CDK8: variants seen among roughly 807,000 people sequenced by gnomAD.
The protein encoded by CDK8 is cyclin dependent kinase 8.
CDK8 carries 29 observed loss-of-function variants against 71.5 expected under a neutral mutation model. That is an observed-to-expected ratio of 0.41 (90% CI 0.30 to 0.55). The LOEUF (loss-of-function observed/expected upper bound fraction) is 0.55. Ranked by LOEUF, CDK8 falls within the 20% of genes least tolerant of loss-of-function variation. CDK8 has a pLI of 0.37. For missense variants in CDK8, 288 were observed against 572.6 expected (o/e 0.50, Z 5.07); for synonymous variants, 161 against 192.1 (o/e 0.84, Z 1.34).
chr13:26,361,925 C>T (rs1292163065), intron 4 of CDK8, among the ~76,000 whole-genome samples: 1 of 151,098 alleles, frequency 6.6e-6, no homozygotes, highest in Non-Finnish European at 1.5e-5. Context: ...CCACCACACA[C>T]AGCCATTTTG....
intron 4 of CDK8, among the ~76,000 whole-genome samples, chr13:26,354,242 G>A (rs1380745993): frequency 1.3e-5 from 2 of 152,198 alleles, no homozygotes; most frequent in East Asian, 3.9e-4. Flanking sequence ...GGAGCCTACT[G>A]CATACTAATT....
intron 1 of CDK8, among the ~76,000 whole-genome samples, chr13:26,300,136 A>G (rs372736152): frequency 1.2e-3 from 181 of 152,270 alleles, no homozygotes; most frequent in African/African-American, 4.2e-3. Context: ...TGCCCAGAGT[A>G]AGAGGCATAC....
intron 1 of CDK8, among the ~76,000 whole-genome samples, chr13:26,311,534 T>C (rs954356936): frequency 7.2e-5 from 11 of 152,186 alleles, no homozygotes; most frequent in African/African-American, 1.7e-4. Flanking sequence ...CAGTACCTCA[T>C]TGATGTCACT....
intron 1 of CDK8, among the ~76,000 whole-genome samples, chr13:26,264,187 A>C (rs1332107953): frequency 6.6e-6 from 1 of 152,172 alleles, no homozygotes; most frequent in African/African-American, 2.4e-5. Flanking sequence ...ATGCTGACTT[A>C]ATGTTGATTT....
chr13:26,327,238 A>G (rs1012223297), intron 1 of CDK8, among the ~76,000 whole-genome samples: 2 of 152,202 alleles, frequency 1.3e-5, no homozygotes, highest in African/African-American at 4.8e-5. Context: ...GTGATTTACC[A>G]AATAAATTAA....
At chr13:26,309,035 A>G (rs887181827) in intron 1 of CDK8, among the ~76,000 whole-genome samples, 1 of 152,202 alleles carries the variant, frequency 6.6e-6, no homozygotes, top group Non-Finnish European at 1.5e-5. Context: ...TGAGAAATAA[A>G]TGAATCAGCA....
intron 2 of CDK8, among the ~76,000 whole-genome samples, chr13:26,343,445 T>A (rs1369432503): frequency 6.6e-6 from 1 of 152,248 alleles, no homozygotes; most frequent in African/African-American, 2.4e-5. Flanking sequence ...GTTCTGCCTA[T>A]GGAGTAGCCA....
intron 1 of CDK8, among the ~76,000 whole-genome samples, chr13:26,291,121 A>AC (rs2137901595): frequency 1.1e-5 from 1 of 89,434 alleles, no homozygotes; most frequent in East Asian, 6.1e-4. Context: ...TCCATCTCAA[A>AC]AAAAAAAAAA....
At chr13:26,284,680 T>C (rs1023506021) in intron 1 of CDK8, among the ~76,000 whole-genome samples, 4 of 152,166 alleles carry the variant, frequency 2.6e-5, no homozygotes, top group African/African-American at 9.7e-5. Context: ...AGCTAGATTC[T>C]ATCAGGCATT....
rs143607664 is a variant in CDK8 at position 26,286,943 on chromosome 13, A to G, written c.128+32174A>G. ...TATCAGGGAAATGCAAATCAAAACC[A>G]TAAGGAGATACCACCTTACTCCTGG... On this transcript the variant is annotated intron_variant, in intron 1 of 12. Coordinates refer to ENST00000381527, the MANE Select transcript of CDK8 (RefSeq NM_001260.3). Among the ~76,000 whole-genome samples the G allele has an allele frequency of 6.6e-5, 10 of 152,344 alleles. No homozygotes were observed. In the East Asian group the frequency reaches 1.9e-3, roughly 29 times the overall value.
chr13:26,288,045 C>G (rs1262604502), intron 1 of CDK8, among the ~76,000 whole-genome samples: 1 of 151,450 alleles, frequency 6.6e-6, no homozygotes, highest in African/African-American at 2.4e-5. Flanking sequence ...TCACTGCAAC[C>G]TCTCCCTCTC....
At chr13:26,333,311 C>T (rs1456654748) in intron 1 of CDK8, among the ~76,000 whole-genome samples, 2 of 151,826 alleles carry the variant, frequency 1.3e-5, no homozygotes, top group Admixed American at 6.6e-5. Flanking sequence ...GGCTAAGTTT[C>T]GTATTTTTAG....
intron 1 of CDK8, among the ~76,000 whole-genome samples, chr13:26,266,784 GTTAC>G (rs1278830836): frequency 6.6e-6 from 1 of 152,148 alleles, no homozygotes; most frequent in African/African-American, 2.4e-5. Context: ...TGCTGGCTGT[GTTAC>G]TGAAGTGAAA....
chr13:26,391,694 GACAAAA>G (rs1875752713), intron 6 of CDK8, among the ~76,000 whole-genome samples: 1 of 152,156 alleles, frequency 6.6e-6, no homozygotes, highest in African/African-American at 2.4e-5. Flanking sequence ...ACCTTTCGAT[GACAAAA>G]ACAAAATAGG....
chr13:26,343,396 T>C (rs983982809), intron 2 of CDK8, among the ~76,000 whole-genome samples: 5 of 152,148 alleles, frequency 3.3e-5, no homozygotes, highest in African/African-American at 9.7e-5. Flanking sequence ...ATAGAAAAGG[T>C]ACAGTAAAAA....
chr13:26,308,035 A>G (rs1296937292), intron 1 of CDK8, among the ~76,000 whole-genome samples: 1 of 152,232 alleles, frequency 6.6e-6, no homozygotes, highest in Non-Finnish European at 1.5e-5. Flanking sequence ...AGAAACCAGT[A>G]TTTTAAAATT....
At chr13:26,282,548 A>C (rs1171183456) in intron 1 of CDK8, among the ~76,000 whole-genome samples, 1 of 152,238 alleles carries the variant, frequency 6.6e-6, no homozygotes, top group East Asian at 1.9e-4. Flanking sequence ...CCAGCACTAC[A>C]AGAAATGCTA....
Position 26,327,963 on chromosome 13 carries a change from C to CTTT in CDK8, c.129-9591_129-9589dup, listed in dbSNP as rs35077180. ...CCAAGAACATATATTTAAGAGCTGT[C>CTTT]TTTTTTTTTTTTTTTAACTTTTGCT... is the stretch of plus-strand genomic sequence containing the variant. On this transcript the variant is annotated intron_variant, in intron 1 of 12. Transcript: ENST00000381527. Among the ~76,000 whole-genome samples the CTTT allele has an allele frequency of 9.9e-4, 142 of 143,758 alleles. 1 individual carries two copies. Among genetic ancestry groups the CTTT allele is most frequent in the African/African-American group, 3.4e-3 (132 of 39,168 alleles). The allele number at this position is 143,758 out of a possible 152,430, so 94.3% of individuals were successfully genotyped here.
At chr13:26,289,710 A>C (rs1873207461) in intron 1 of CDK8, among the ~76,000 whole-genome samples, 2 of 152,012 alleles carry the variant, frequency 1.3e-5, no homozygotes, top group African/African-American at 4.8e-5. Flanking sequence ...GCCACCATGC[A>C]CAGCTAATTT....
Sources: gnomAD v4.1 joint callset for allele counts (sites outside exome capture counted in the v4.1 genomes callset) on GRCh38, gnomAD v4.1.1 for gene constraint, MANE v1.5 for transcripts, NCBI Gene and HGNC (gene_info 2026-07-23, HGNC 2026-07-21) for gene names.